The following CNBD1 variants were observed in gnomAD, a reference collection of about 807,000 sequenced individuals.
The protein encoded by CNBD1 is cyclic nucleotide binding domain containing 1.
Under a neutral mutation model 54.4 loss-of-function variants are expected in CNBD1, and 71 were observed. The observed-to-expected ratio is 1.30, with a 90% CI of 1.08 to 1.59. CNBD1 has a LOEUF of 1.59. Among genes scored for constraint, CNBD1 ranks in the 40% most tolerant of loss-of-function variants. CNBD1 has a pLI of 0.00. For missense variants in CNBD1, 659 were observed against 518.0 expected, an observed-to-expected ratio of 1.27 and a Z score of -2.64; for synonymous variants, 182 against 170.7, an observed-to-expected ratio of 1.07 and a Z score of -0.51.
chr8:87,038,805 T>A (rs954684969), intron 4 of CNBD1, among the ~76,000 whole-genome samples: 2 of 152,206 alleles, frequency 1.3e-5, no homozygotes, highest in African/African-American at 4.8e-5. Context: ...AAAGGCAAGA[T>A]GGGAGTTGGT....
In CNBD1 at chr8:87,163,677, T is replaced by G. The variant is rs1812903691; in HGVS notation, c.432-42316T>G. On this transcript the variant is annotated intron_variant, in intron 4 of 10. Transcript: ENST00000518476. This position sits in a 1 kb window ranked among gnomAD's most constrained non-coding sequence, Gnocchi z 4.5. ...TTGATTTTGTTTCCTGCAAATTTAT[T>G]GAATTTGCTTATTAGTTCTAACAGT... Among the ~76,000 whole-genome samples the G allele has an allele frequency of 6.6e-6, 1 of 151,940 alleles. No individual in the cohort carries two copies. Among genetic ancestry groups the G allele is most frequent in the African/African-American group, 2.4e-5 (1 of 41,438 alleles).
intron 3 of CNBD1, among the ~76,000 whole-genome samples, chr8:86,923,141 G>A (rs569428714): frequency 4.6e-5 from 7 of 152,280 alleles, no homozygotes; most frequent in South Asian, 2.1e-4. Context: ...TTAATAAAGC[G>A]AGAAAGCACT....
chr8:87,180,048 T>A (rs1368256596), intron 4 of CNBD1, among the ~76,000 whole-genome samples: 1 of 152,060 alleles, frequency 6.6e-6, no homozygotes, highest in Non-Finnish European at 1.5e-5. Flanking sequence ...GAAAACGGTA[T>A]AAAAGAGTTC....
intron 4 of CNBD1, among the ~76,000 whole-genome samples, chr8:86,961,569 A>C (rs552465390): frequency 4.5e-4 from 68 of 152,366 alleles, no homozygotes; most frequent in African/African-American, 1.6e-3. Flanking sequence ...TGCCAAGGGC[A>C]TCCCGTTTGG....
In CNBD1 at chr8:87,330,231, C is replaced by CTTTTTT. The variant is rs3055413; in HGVS notation, c.1043-21446_1043-21441dup. Among the ~76,000 whole-genome samples the CTTTTTT allele has an allele frequency of 3.6e-3, 473 of 130,744 alleles. 2 individuals carry two copies. Among genetic ancestry groups the CTTTTTT allele is most frequent in the African/African-American group, 0.013 (447 of 35,520 alleles). The allele number at this position is 130,744 out of a possible 152,430, so 85.8% of individuals were successfully genotyped here. A position where few individuals can be genotyped will look rare whatever the true frequency, so the allele number is the denominator to read the frequency against. ...TACTGGTAATTTGTGTTCCTTCTCT[C>CTTTTTT]TTTTTTTTTTTTTCAGTTAGCCTGG... is the stretch of plus-strand genomic sequence containing the variant. On this transcript the variant is annotated intron_variant, in intron 8 of 10. Coordinates refer to ENST00000518476, the MANE Select transcript of CNBD1 (RefSeq NM_173538.3).
At chr8:86,979,983 A>T (rs1423174842) in intron 4 of CNBD1, among the ~76,000 whole-genome samples, 1 of 152,246 alleles carries the variant, frequency 6.6e-6, no homozygotes, top group Non-Finnish European at 1.5e-5. Flanking sequence ...ATGCATATTA[A>T]TCAGTTTTTG....
At chr8:87,121,876 T>TTG (rs1022247134) in intron 4 of CNBD1, among the ~76,000 whole-genome samples, 1 of 151,456 alleles carries the variant, frequency 6.6e-6, no homozygotes, top group African/African-American at 2.4e-5. Context: ...CTGTATAGTA[T>TTG]TGTGTGTGTG....
intron 1 of CNBD1, among the ~76,000 whole-genome samples, chr8:86,884,150 TCAAAA>T (rs761823192): frequency 2.5e-4 from 37 of 148,072 alleles, no homozygotes; most frequent in African/African-American, 6.1e-4. Context: ...AGACTCCGTC[TCAAAA>T]CAAAACAAAA....
chr8:87,311,105 C>T (rs1213325374), intron 8 of CNBD1, among the ~76,000 whole-genome samples: 1 of 151,882 alleles, frequency 6.6e-6, no homozygotes, highest in Non-Finnish European at 1.5e-5. Flanking sequence ...CAAGTGGGAC[C>T]TAAATTAAAC....
At chr8:87,245,222 T>C (rs1807780236) in intron 6 of CNBD1, among the ~76,000 whole-genome samples, 1 of 152,078 alleles carries the variant, frequency 6.6e-6, no homozygotes, top group South Asian at 2.1e-4. Context: ...CATTGGGTCA[T>C]AGTAAATTTA....
rs557595528 is a variant in CNBD1, at chr8:87,087,288, TA to T, written c.432-118704del. Among the ~76,000 whole-genome samples the T allele has an allele frequency of 2.2e-3, 318 of 145,682 alleles. 4 individuals are homozygous for T. The highest frequency in any genetic ancestry group is 7.6e-3 in the African/African-American group (298 of 39,308). ...ATATATATATACGTATATATATATA[TA>T]TATTTTTTATTGCCCAATACATATA... On this transcript the variant is annotated intron_variant, in intron 4 of 10. Coordinates refer to ENST00000518476, the MANE Select transcript of CNBD1 (RefSeq NM_173538.3).
At chr8:87,076,920 C>T (rs1189906282) in intron 4 of CNBD1, among the ~76,000 whole-genome samples, 1 of 152,146 alleles carries the variant, frequency 6.6e-6, no homozygotes, top group Non-Finnish European at 1.5e-5. Flanking sequence ...TGCATCATTG[C>T]ACATGATATA....
intron 2 of CNBD1, among the ~76,000 whole-genome samples, chr8:87,420,600 C>CA: frequency 6.6e-6 from 1 of 152,102 alleles, no homozygotes; most frequent in Admixed American, 6.6e-5. Context: ...TAGAGAGAGA[C>CA]AACCCCATTT....
At chr8:87,306,947 G>T (rs1341858110) in intron 8 of CNBD1, among the ~76,000 whole-genome samples, 8 of 151,530 alleles carry the variant, frequency 5.3e-5, no homozygotes, top group Non-Finnish European at 1.0e-4. Context: ...GGATATGGGG[G>T]AACAGAAAAA....
rs577071355 is a variant in CNBD1, at chr8:87,062,228, T to G, written c.431+122474T>G. 2.6e-5 allele frequency among the ~76,000 whole-genome samples: 4 copies of G among 152,366 alleles called. No homozygotes were observed. In the South Asian group the frequency reaches 8.3e-4, roughly 32 times the overall value. ...AGGTAAAGTTAATTTCAATGAATAA[T>G]TCTTGACAGTGGCAGCTTTTTTCAG... On this transcript the variant is annotated intron_variant, in intron 4 of 10. Coordinates refer to ENST00000518476, the MANE Select transcript of CNBD1 (RefSeq NM_173538.3).
At chr8:87,124,561 A>G (rs923666095) in intron 4 of CNBD1, among the ~76,000 whole-genome samples, 1 of 151,832 alleles carries the variant, frequency 6.6e-6, no homozygotes, top group Non-Finnish European at 1.5e-5. Context: ...TTATATGACC[A>G]TTTAATGGAC....
intron 4 of CNBD1, among the ~76,000 whole-genome samples, chr8:87,186,189 T>C (rs969960333): frequency 1.3e-5 from 2 of 152,136 alleles, no homozygotes; most frequent in African/African-American, 2.4e-5. Flanking sequence ...TGGATTGACA[T>C]ATAATTAAAT....
At chr8:87,040,166 A>G (rs1810034167) in intron 4 of CNBD1, among the ~76,000 whole-genome samples, 1 of 152,192 alleles carries the variant, frequency 6.6e-6, no homozygotes, top group African/African-American at 2.4e-5. Flanking sequence ...AAGACAGTCT[A>G]GTTCCCAGGA....
At chr8:87,067,175 T>A (rs1810672087) in intron 4 of CNBD1, among the ~76,000 whole-genome samples, 1 of 152,000 alleles carries the variant, frequency 6.6e-6, no homozygotes, top group Non-Finnish European at 1.5e-5. Flanking sequence ...AGATAGAATG[T>A]TAAATATGTC....
Sources: gnomAD v4.1 joint callset for allele counts (sites outside exome capture counted in the v4.1 genomes callset) on GRCh38, gnomAD v4.1.1 for gene constraint, Gnocchi (gnomAD v3.1) non-coding constraint, MANE v1.5 for transcripts, NCBI Gene and HGNC (gene_info 2026-07-23, HGNC 2026-07-21) for gene names.